The following SCD5 variants were observed in gnomAD, a reference collection of about 807,000 sequenced individuals.
The protein encoded by SCD5 is stearoyl-CoA desaturase 5.
A neutral mutation model predicts 30.4 loss-of-function variants in SCD5; 20 were observed. The observed-to-expected ratio is 0.66, with a 90% confidence interval of 0.46 to 0.96. The LOEUF (loss-of-function observed/expected upper bound fraction) is 0.96. Ranked by LOEUF, SCD5 falls within the 40% of genes least tolerant of loss-of-function variation. The probability of loss-of-function intolerance (pLI) is 0.00; values close to 1 mark genes in which losing one functional copy is unlikely to be tolerated. For synonymous variants in SCD5, 173 were observed against 176.4 expected (o/e 0.98, Z 0.16); for missense variants, 381 against 443.3 (o/e 0.86, Z 1.26).
chr4:82,648,366 G>A (rs1343088469), intron 3 of SCD5, among the ~76,000 whole-genome samples: 1 of 152,204 alleles, frequency 6.6e-6, no homozygotes, highest in Non-Finnish European at 1.5e-5. Context: ...GGTGTGAAGA[G>A]GGTGTGTTGG....
intron 3 of SCD5, among the ~76,000 whole-genome samples, chr4:82,680,412 A>G (rs1368403481): frequency 6.6e-6 from 1 of 152,206 alleles, no homozygotes; most frequent in African/African-American, 2.4e-5. Context: ...GGCAGTGGGG[A>G]AACACAGAAA....
At chr4:82,745,485 G>C (rs910743453) in intron 1 of SCD5, among the ~76,000 whole-genome samples, 19 of 152,198 alleles carry the variant, frequency 1.2e-4, no homozygotes, top group African/African-American at 4.3e-4. Context: ...ACAACAGAGA[G>C]GGTCTAACCC....
At chr4:82,637,489 C>G (rs576759602) in intron 3 of SCD5, among the ~76,000 whole-genome samples, 1 of 152,318 alleles carries the variant, frequency 6.6e-6, no homozygotes, top group South Asian at 2.1e-4. Flanking sequence ...ATGTGCCAGA[C>G]CCTGAGTGTT....
chr4:82,646,957 G>T (rs924917219), intron 3 of SCD5, among the ~76,000 whole-genome samples: 1 of 152,148 alleles, frequency 6.6e-6, no homozygotes, highest in African/African-American at 2.4e-5. Context: ...CCATTAGCTG[G>T]GATTACAGGC....
chr4:82,691,941 T>C (rs1343857911), intron 2 of SCD5: 1 of 152,280 alleles, frequency 6.6e-6, no homozygotes, highest in Non-Finnish European at 1.5e-5. Context: ...TTCTTCTGGT[T>C]TGGAAGGCAT....
chr4:82,765,916 G>T (rs1269849999), intron 1 of SCD5, among the ~76,000 whole-genome samples: 1 of 152,148 alleles, frequency 6.6e-6, no homozygotes, highest in Non-Finnish European at 1.5e-5. Context: ...CACTGTGCAT[G>T]CCCCCCACCA....
intron 1 of SCD5, among the ~76,000 whole-genome samples, chr4:82,786,806 A>C (rs1418841829): frequency 6.6e-6 from 1 of 151,536 alleles, no homozygotes; most frequent in African/African-American, 2.4e-5. Context: ...AAAAAAAAAA[A>C]AAAAACAAGG....
intron 1 of SCD5, among the ~76,000 whole-genome samples, chr4:82,766,528 AG>A (rs1721489800): frequency 6.6e-6 from 1 of 152,178 alleles, no homozygotes; most frequent in African/African-American, 2.4e-5. Flanking sequence ...CAATTGCTTT[AG>A]TGGTCTTGTC....
At chr4:82,711,577 G>A (rs56181722) in intron 1 of SCD5, among the ~76,000 whole-genome samples, 4,665 of 152,214 alleles carry the variant, frequency 0.031, 246 homozygotes, top group African/African-American at 0.11. Context: ...GTGGTAGCAC[G>A]TGCCTGTAGT....
chr4:82,731,633 G>T (rs1439842572), intron 1 of SCD5, among the ~76,000 whole-genome samples: 2 of 152,234 alleles, frequency 1.3e-5, no homozygotes, highest in Non-Finnish European at 2.9e-5. Context: ...CAGAGTATCT[G>T]CATCCCACAC....
At chr4:82,693,658 G>A (rs537015123) in intron 2 of SCD5, among the ~76,000 whole-genome samples, 54 of 152,296 alleles carry the variant, frequency 3.5e-4, no homozygotes, top group African/African-American at 1.3e-3. Context: ...CACCCCTGGG[G>A]TGAGAGGCAA....
chr4:82,707,700 G>A (rs749211684), intron 1 of SCD5, among the ~76,000 whole-genome samples: 3 of 152,234 alleles, frequency 2.0e-5, no homozygotes, highest in Non-Finnish European at 4.4e-5. Context: ...GTAAGGAAAT[G>A]AGGCCCCCAG....
chr4:82,642,109 A>G (rs1433632243), intron 3 of SCD5, among the ~76,000 whole-genome samples: 1 of 98,612 alleles, frequency 1.0e-5, no homozygotes, highest in African/African-American at 3.0e-5. Context: ...TTGCTCACAT[A>G]CATTTTTTTT....
intron 1 of SCD5, among the ~76,000 whole-genome samples, chr4:82,712,297 T>TACACA (rs1560540874): frequency 3.0e-5 from 1 of 33,732 alleles, no homozygotes; most frequent in Non-Finnish European, 6.3e-5. Flanking sequence ...TATATATATA[T>TACACA]TTTATTTTTA....
At chr4:82,780,525 A>C (rs1721844739) in intron 1 of SCD5, among the ~76,000 whole-genome samples, 1 of 152,252 alleles carries the variant, frequency 6.6e-6, no homozygotes, top group Non-Finnish European at 1.5e-5. Context: ...GCAGGTGCAG[A>C]AAAGCACATC....
chr4:82,765,912 G>C (rs541751247), intron 1 of SCD5, among the ~76,000 whole-genome samples: 1 of 152,282 alleles, frequency 6.6e-6, no homozygotes, highest in African/African-American at 2.4e-5. Context: ...GAGCCACTGT[G>C]CATGCCCCCC....
chr4:82,749,008 G>C (rs184630511), intron 1 of SCD5, among the ~76,000 whole-genome samples: 3 of 152,192 alleles, frequency 2.0e-5, no homozygotes, highest in Admixed American at 1.3e-4. Flanking sequence ...GGGGCAATTC[G>C]ACTAGGTCTA....
chr4:82,765,885 G>T (rs112031325), intron 1 of SCD5, among the ~76,000 whole-genome samples: 5,925 of 152,254 alleles, frequency 0.039, 166 homozygotes, highest in African/African-American at 0.081. Flanking sequence ...CTCCCAAAGT[G>T]CTGGGATTAC....
intron 2 of SCD5, among the ~76,000 whole-genome samples, chr4:82,696,548 T>C (rs2868694): frequency 0.35 from 53,892 of 152,080 alleles, 10,293 homozygotes; most frequent in Middle Eastern, 0.52. Context: ...ACATTTCTGA[T>C]TGGTACTAAA....
Sources: allele counts gnomAD v4.1 joint callset (sites outside exome capture counted in the v4.1 genomes callset), GRCh38; gene constraint gnomAD v4.1.1; transcripts MANE v1.5; gene names NCBI Gene and HGNC (gene_info 2026-07-23, HGNC 2026-07-21).